Variants in CAMTA1 observed in about 807,000 individuals in gnomAD.
CAMTA1 encodes calmodulin-binding transcription activator 1.
CAMTA1 carries 27 observed loss-of-function variants against 170.9 expected under a neutral mutation model. That is an observed-to-expected ratio of 0.16 (90% CI 0.12 to 0.22). The LOEUF (loss-of-function observed/expected upper bound fraction) is 0.22. Ranked by LOEUF, CAMTA1 falls within the 10% of genes least tolerant of loss-of-function variation. CAMTA1 has a pLI of 1.00. For missense variants in CAMTA1, 1,619 were observed against 2,217.2 expected (o/e 0.73, Z 5.42); for synonymous variants, 833 against 891.5 (o/e 0.93, Z 1.17).
chr1:7,119,898 G>A (rs961322037), intron 4 of CAMTA1, among the ~76,000 whole-genome samples: 2 of 152,294 alleles, frequency 1.3e-5, no homozygotes, highest in African/African-American at 2.4e-5. Flanking sequence ...CAGCAGAGAA[G>A]TTAGTTTGTC....
chr1:7,154,004 G>C (rs1646725505), intron 4 of CAMTA1, among the ~76,000 whole-genome samples: 1 of 152,206 alleles, frequency 6.6e-6, no homozygotes, highest in Non-Finnish European at 1.5e-5. Flanking sequence ...GGGGCACTGG[G>C]TGTCCTGTGT....
At chr1:7,284,164 TC>T (rs1671957767) in intron 5 of CAMTA1, among the ~76,000 whole-genome samples, 1 of 118,250 alleles carries the variant, frequency 8.5e-6, no homozygotes, top group Non-Finnish European at 1.7e-5. Flanking sequence ...TTCTTCTTCT[TC>T]TTCTTCTTCT....
At chr1:7,394,829 GTGTGTGTGTGTGTC>G (rs1005930711) in intron 5 of CAMTA1, among the ~76,000 whole-genome samples, 5 of 149,574 alleles carry the variant, frequency 3.3e-5, no homozygotes, top group African/African-American at 1.2e-4. Context: ...GTGTGTGTGT[GTGTGTGTGTGTGTC>G]TGTGTGTGTG....
At chr1:6,999,610 T>C (rs4908431) in intron 3 of CAMTA1, among the ~76,000 whole-genome samples, 152,087 of 152,274 alleles carry the variant, frequency 1, 75,952 homozygotes, top group Middle Eastern at 1. Context: ...CTCGAACTAC[T>C]GGGCTCGAGT....
intron 3 of CAMTA1, among the ~76,000 whole-genome samples, chr1:7,021,955 G>T (rs537448768): frequency 7.2e-5 from 11 of 152,240 alleles, no homozygotes; most frequent in African/African-American, 2.6e-4. Flanking sequence ...ACAAGCCTAT[G>T]CAACAGCCCT....
chr1:6,885,351 A>T (rs1306587883), intron 3 of CAMTA1, among the ~76,000 whole-genome samples: 1 of 152,164 alleles, frequency 6.6e-6, no homozygotes, highest in Admixed American at 6.5e-5. Context: ...AGTGAAGGTC[A>T]GTGTGTGTGT....
intron 4 of CAMTA1, among the ~76,000 whole-genome samples, chr1:7,186,266 T>C (rs911586998): frequency 6.6e-6 from 1 of 152,200 alleles, no homozygotes; most frequent in South Asian, 2.1e-4. Flanking sequence ...TTGTACTATT[T>C]TTGCCAATTT....
chr1:7,022,224 C>T (rs1701454483), intron 3 of CAMTA1, among the ~76,000 whole-genome samples: 4 of 152,176 alleles, frequency 2.6e-5, no homozygotes, highest in Admixed American at 2.6e-4. Flanking sequence ...GGCAGTCACC[C>T]CCTTCCTTTC....
At chr1:7,301,512 G>T (rs1330728858) in intron 5 of CAMTA1, among the ~76,000 whole-genome samples, 1 of 152,164 alleles carries the variant, frequency 6.6e-6, no homozygotes, top group Non-Finnish European at 1.5e-5. Context: ...GGATCCCTGT[G>T]AGCCTGTAGT....
chr1:7,424,997 G>A (rs537155346), intron 5 of CAMTA1, among the ~76,000 whole-genome samples: 3 of 152,202 alleles, frequency 2.0e-5, no homozygotes, highest in Admixed American at 6.5e-5. Context: ...TCACTTCCAG[G>A]GGGGCTCGGG....
chr1:7,275,110 C>CCTGCCTGG (rs1267994861), intron 5 of CAMTA1, among the ~76,000 whole-genome samples: 1 of 138,084 alleles, frequency 7.2e-6, no homozygotes, highest in Non-Finnish European at 1.5e-5. Context: ...ACACTGCACT[C>CCTGCCTGG]CTGCCTGGGC....
chr1:7,531,499 G>A (rs990985932), intron 6 of CAMTA1, among the ~76,000 whole-genome samples: 27 of 152,188 alleles, frequency 1.8e-4, no homozygotes, highest in South Asian at 6.2e-4. Flanking sequence ...TGAGCACCTC[G>A]TTCCCCAGAC....
rs1347925458 is a variant in CAMTA1 at position 7,744,847 on chromosome 1, A to G, written c.4195A>G (p.Thr1399Ala). The stretch of plus-strand genomic sequence containing the variant: ...CTTCTGACTTCAGGTGAACATGATG[A>G]CCTTGGCAGAACACATTATTGAAGC... ...PMDDIQVNMM[T>A]LAEHIIEATP... Residue 1399 changes from threonine (T) to alanine (A), a missense_variant, in exon 17 of 23, where the codon ACC becomes GCC. Physicochemically the swap from Thr to Ala is moderately conservative, Grantham distance 58 (BLOSUM62 0). Around this residue, in one of 8 missense-constraint regions of CAMTA1, gnomAD observed 370 missense variants for 429.4 expected, o/e 0.86. Transcript: ENST00000303635. The G allele has an allele frequency of 6.2e-7, 1 of 1,612,900 alleles. No homozygotes were observed. The highest frequency in any genetic ancestry group is 1.3e-5 in the African/African-American group (1 of 74,866).
intron 4 of CAMTA1, among the ~76,000 whole-genome samples, chr1:7,143,147 C>T (rs1235030600): frequency 6.6e-6 from 1 of 152,098 alleles, no homozygotes; most frequent in Non-Finnish European, 1.5e-5. Flanking sequence ...CGGGGTGCAG[C>T]TCCCATGGTG....
intron 6 of CAMTA1, among the ~76,000 whole-genome samples, chr1:7,564,707 T>C (rs1412657185): frequency 6.6e-6 from 1 of 151,936 alleles, no homozygotes; most frequent in African/African-American, 2.4e-5. Context: ...CCCTCTGCCC[T>C]CCCAGTGTCC....
chr1:7,626,150 T>G (rs1373752645), intron 6 of CAMTA1, among the ~76,000 whole-genome samples: 2 of 152,130 alleles, frequency 1.3e-5, no homozygotes, highest in Non-Finnish European at 2.9e-5. Context: ...TAAAAAAACA[T>G]ACAGCCCAAT....
intron 10 of CAMTA1, among the ~76,000 whole-genome samples, chr1:7,675,817 C>T (rs2149262720): frequency 6.6e-6 from 1 of 152,060 alleles, no homozygotes. Flanking sequence ...CAGGAAGCTT[C>T]CTGGGTGATG....
chr1:7,409,608 G>C (rs568399587), intron 5 of CAMTA1, among the ~76,000 whole-genome samples: 15 of 152,256 alleles, frequency 9.9e-5, no homozygotes, highest in African/African-American at 3.6e-4. Context: ...CCACTTGACT[G>C]TGCTGAGCCC....
chr1:7,206,692 G>A (rs558973584), intron 4 of CAMTA1, among the ~76,000 whole-genome samples: 3 of 152,336 alleles, frequency 2.0e-5, no homozygotes, highest in African/African-American at 7.2e-5. Context: ...AAGTTGTCAA[G>A]TAGTTTTCCA....
Sources: allele counts gnomAD v4.1 joint callset (sites outside exome capture counted in the v4.1 genomes callset), GRCh38; gene constraint gnomAD v4.1.1; regional missense constraint gnomAD v4.1.1; transcripts MANE v1.5; gene names NCBI Gene and HGNC (gene_info 2026-07-23, HGNC 2026-07-21).